Variants in PLEKHG7 observed in about 807,000 individuals in gnomAD.
PLEKHG7 encodes pleckstrin homology domain-containing family G member 7.
PLEKHG7 carries 77 observed loss-of-function variants against 85.2 expected under a neutral mutation model. That is an observed-to-expected ratio of 0.90 (90% CI 0.75 to 1.09). The LOEUF (loss-of-function observed/expected upper bound fraction) is 1.09. PLEKHG7 is among the 50% of genes least tolerant of loss of function. The pLI is 0.00. For missense variants in PLEKHG7, 777 were observed against 804.3 expected, an observed-to-expected ratio of 0.97 and a Z score of 0.41; for synonymous variants, 301 against 302.4, an observed-to-expected ratio of 1.00 and a Z score of 0.05.
chr12:92,742,539 T>C (rs528298066), intron 9 of PLEKHG7, among the ~76,000 whole-genome samples: 1 of 152,006 alleles, frequency 6.6e-6, no homozygotes, highest in Admixed American at 6.6e-5. Flanking sequence ...TTAGTGAACA[T>C]TGAAAATGGG....
chr12:92,719,133 G>T (rs75980520), intron 3 of PLEKHG7, among the ~76,000 whole-genome samples: 1 of 152,098 alleles, frequency 6.6e-6, no homozygotes, highest in African/African-American at 2.4e-5. Flanking sequence ...ATACAAAAGC[G>T]CATTCCCAAC....
In PLEKHG7 at chr12:92,719,133, G is replaced by A. The variant is rs75980520; in HGVS notation, c.531-9860G>A. Reference sequence around the variant, plus strand: ...AAACCATAGTCGAACATACAAAAGCGCATTCCCAACAATTTTTTGAAACTC... The same window carrying A: ...AAACCATAGTCGAACATACAAAAGCACATTCCCAACAATTTTTTGAAACTC... On this transcript the variant is annotated intron_variant, in intron 3 of 16. Coordinates refer to ENST00000344636, the MANE Select transcript of PLEKHG7 (RefSeq NM_001377329.1). 2.3e-3 allele frequency among the ~76,000 whole-genome samples: 357 copies of A among 152,216 alleles called. 1 individual carries two copies. The highest frequency in any genetic ancestry group is 7.7e-3 in the African/African-American group (318 of 41,542).
chr12:92,717,152 A>C (rs1327957453), intron 3 of PLEKHG7, among the ~76,000 whole-genome samples: 1 of 152,244 alleles, frequency 6.6e-6, no homozygotes, highest in East Asian at 1.9e-4. Flanking sequence ...AGAAACGTAC[A>C]TGCTACATTT....
chr12:92,745,933 A>C (rs1872524531), intron 10 of PLEKHG7, among the ~76,000 whole-genome samples: 1 of 152,216 alleles, frequency 6.6e-6, no homozygotes, highest in Admixed American at 6.5e-5. Flanking sequence ...GTGACTTAGA[A>C]GTTTGGCTCT....
In PLEKHG7 at chr12:92,706,918, C is replaced by T; in HGVS notation, c.287C>T (p.Ser96Leu). 1 of 1,614,154 alleles carries T rather than the reference C, an allele frequency of 6.2e-7. No homozygotes were observed. Among genetic ancestry groups the T allele is most frequent in the East Asian group, 2.2e-5 (1 of 44,876 alleles). Residue 96 changes from serine (S) to leucine (L), a missense_variant, in exon 2 of 17, where the codon TCA becomes TTA. Around this residue, in one of 3 missense-constraint regions of PLEKHG7, gnomAD observed 252 missense variants for 241.9 expected, o/e 1.04. Transcript: ENST00000344636. ...CTGCCAGGAAGCCCAAAGGATTCTT[C>T]ACACTTGCTGTCACCCTTGAGACTC... ...KSLPGSPKDS[S>L]HLLSPLRLHS...
At chr12:92,721,707 A>AC (rs1871650615) in intron 3 of PLEKHG7, among the ~76,000 whole-genome samples, 1 of 138,134 alleles carries the variant, frequency 7.2e-6, no homozygotes, top group African/African-American at 3.2e-5. Context: ...AAAACCAAAA[A>AC]AAAAAAAAAA....
chr12:92,724,732 T>G (rs184179043), intron 3 of PLEKHG7, among the ~76,000 whole-genome samples: 3 of 152,188 alleles, frequency 2.0e-5, no homozygotes, highest in African/African-American at 7.2e-5. Context: ...GTCTGTCCCC[T>G]TTGAAAAACT....
intron 14 of PLEKHG7, among the ~76,000 whole-genome samples, chr12:92,763,062 C>T (rs1009644982): frequency 2.0e-5 from 3 of 152,100 alleles, no homozygotes; most frequent in African/African-American, 4.8e-5. Flanking sequence ...TTGACCTTCA[C>T]GTCAAATAGT....
chr12:92,706,480 C>A lies in PLEKHG7; in HGVS notation c.-152C>A. Reference sequence around the variant, plus strand: ...CTCTTCCTCACTACAGATGCAATAACCTGCTTGACATTCTCCTCTGGAAAA... The same window carrying A: ...CTCTTCCTCACTACAGATGCAATAAACTGCTTGACATTCTCCTCTGGAAAA... On this transcript the variant is annotated 5_prime_UTR_variant, in exon 2 of 17. Transcript: ENST00000344636. 4 of 937,020 alleles carry A rather than the reference C, an allele frequency of 4.3e-6. No homozygotes were observed. Among genetic ancestry groups the A allele is most frequent in the Non-Finnish European group, 6.2e-6 (4 of 645,494 alleles). 58.0% of individuals were successfully genotyped at this position (937,020 alleles called of 1,614,324 possible). A position where few individuals can be genotyped will look rare whatever the true frequency, so the allele number is the denominator to read the frequency against.
chr12:92,721,481 T>C, intron 3 of PLEKHG7: 1 of 1,231,126 alleles, frequency 8.1e-7, no homozygotes, highest in Non-Finnish European at 1.0e-6. Flanking sequence ...GCCATGGGAC[T>C]AGTCCCTTCG....
chr12:92,757,659 A>T (rs189966142), intron 13 of PLEKHG7, among the ~76,000 whole-genome samples: 14 of 152,232 alleles, frequency 9.2e-5, no homozygotes, highest in Admixed American at 9.2e-4. Context: ...TAGGTGAGAG[A>T]TTTGGGGCTC....
chr12:92,760,431 A>G (rs1404001732), intron 13 of PLEKHG7, among the ~76,000 whole-genome samples: 1 of 152,196 alleles, frequency 6.6e-6, no homozygotes, highest in Non-Finnish European at 1.5e-5. Context: ...TTAAAGAATG[A>G]GAGGAGATAG....
At chr12:92,707,215 CCCAAGGG>C (rs1871263585) in intron 2 of PLEKHG7, 77 bp downstream of exon 2, 2 of 1,509,652 alleles carry the variant, frequency 1.3e-6, no homozygotes, top group Admixed American at 4.4e-5. Flanking sequence ...GCTTAGTTCC[CCCAAGGG>C]CCAGTAGATC....
chr12:92,742,047 A>G (rs1014132466), intron 9 of PLEKHG7, among the ~76,000 whole-genome samples: 1 of 152,202 alleles, frequency 6.6e-6, no homozygotes, highest in Non-Finnish European at 1.5e-5. Context: ...GGGTTTGATC[A>G]ATGTTATTTA....
At chr12:92,753,567 C>T (rs1460623376) in intron 10 of PLEKHG7, among the ~76,000 whole-genome samples, 1 of 152,224 alleles carries the variant, frequency 6.6e-6, no homozygotes, top group East Asian at 1.9e-4. Context: ...ATCTCTACCT[C>T]TCTCCTCTCC....
At chr12:92,715,220 G>A (rs1474370125) in intron 3 of PLEKHG7, among the ~76,000 whole-genome samples, 1 of 152,116 alleles carries the variant, frequency 6.6e-6, no homozygotes, top group Admixed American at 6.6e-5. Context: ...GGAGAAAGAC[G>A]TAGGCTGGGA....
At chr12:92,759,124 A>G (rs1243769575) in intron 13 of PLEKHG7, among the ~76,000 whole-genome samples, 2 of 152,226 alleles carry the variant, frequency 1.3e-5, no homozygotes, top group Non-Finnish European at 2.9e-5. Flanking sequence ...CTGTACTCTT[A>G]TAATCAAATA....
At position 92,745,467 on chromosome 12, in the gene PLEKHG7, CT is replaced by C; in HGVS notation, c.1138-8del. On this transcript the variant is annotated splice_polypyrimidine_tract_variant and intron_variant, in intron 9 of 16. Transcript: ENST00000344636. ...TGTGTTCATCCTCCTTCTGCTCTTC[CT>C]TTCTTGCAGTATTTCCGAGGGAGTC... 6.3e-7 allele frequency: 1 copy of C among 1,578,250 alleles called. No individual in the cohort carries two copies. The highest frequency in any genetic ancestry group is 8.7e-7 in the Non-Finnish European group (1 of 1,147,552).
At chr12:92,736,986 C>T (rs1592680131) in intron 6 of PLEKHG7, among the ~76,000 whole-genome samples, 2 of 152,102 alleles carry the variant, frequency 1.3e-5, no homozygotes, top group Non-Finnish European at 1.5e-5. Flanking sequence ...ATAAGTTTTG[C>T]CAACGGAACC....
Sources: allele counts gnomAD v4.1 joint callset (sites outside exome capture counted in the v4.1 genomes callset), GRCh38; gene constraint gnomAD v4.1.1; regional missense constraint gnomAD v4.1.1; transcripts MANE v1.5; gene names NCBI Gene and HGNC (gene_info 2026-07-23, HGNC 2026-07-21).